GABBR2: variants seen among roughly 807,000 people sequenced by gnomAD.
GABBR2 encodes the protein gamma-aminobutyric acid type B receptor subunit 2.
Under a neutral mutation model 105.6 loss-of-function variants are expected in GABBR2, and 23 were observed. The observed-to-expected ratio is 0.22, with a 90% confidence interval of 0.16 to 0.31. The LOEUF (loss-of-function observed/expected upper bound fraction) is 0.31. Among genes scored for constraint, GABBR2 ranks in the 10% least tolerant of loss-of-function variants. The probability of loss-of-function intolerance (pLI) is 1.00; values close to 1 mark genes in which losing one functional copy is unlikely to be tolerated. For synonymous variants in GABBR2, 478 were observed against 499.7 expected (o/e 0.96, Z 0.58); for missense variants, 734 against 1,245.5 (o/e 0.59, Z 6.18).
intron 6 of GABBR2, among the ~76,000 whole-genome samples, chr9:98,467,263 G>T (rs753797053): frequency 2.6e-5 from 4 of 152,160 alleles, no homozygotes; most frequent in Admixed American, 6.5e-5. Flanking sequence ...ATGGATGTTG[G>T]TATAGATGAC....
intron 2 of GABBR2, among the ~76,000 whole-genome samples, chr9:98,553,023 G>A (rs920102358): frequency 6.6e-6 from 1 of 152,004 alleles, no homozygotes; most frequent in South Asian, 2.1e-4. Flanking sequence ...TTATACCCAC[G>A]TGCCACCATG....
intron 3 of GABBR2, among the ~76,000 whole-genome samples, chr9:98,496,766 G>A (rs1827289615): frequency 6.6e-6 from 1 of 152,196 alleles, no homozygotes; most frequent in African/African-American, 2.4e-5. Context: ...ATTGCCCAGG[G>A]AGTTCCTGCA....
At chr9:98,338,783 T>C (rs566979085) in intron 13 of GABBR2, among the ~76,000 whole-genome samples, 1 of 152,226 alleles carries the variant, frequency 6.6e-6, no homozygotes, top group Non-Finnish European at 1.5e-5. Context: ...CTCCCAGGTA[T>C]ATATCCAAGA....
intron 15 of GABBR2, among the ~76,000 whole-genome samples, chr9:98,303,851 A>C (rs1830508850): frequency 6.6e-6 from 1 of 152,282 alleles, no homozygotes; most frequent in Admixed American, 6.5e-5. Flanking sequence ...TTCTGGAAGC[A>C]GGCTAGTAAC....
intron 11 of GABBR2, among the ~76,000 whole-genome samples, chr9:98,379,813 T>C (rs1355903163): frequency 6.6e-6 from 1 of 152,206 alleles, no homozygotes; most frequent in Non-Finnish European, 1.5e-5. Context: ...GGTTCAGAGA[T>C]GTTAAATAGG....
intron 2 of GABBR2, among the ~76,000 whole-genome samples, chr9:98,549,837 T>C (rs896781975): frequency 6.6e-6 from 1 of 152,084 alleles, no homozygotes; most frequent in Non-Finnish European, 1.5e-5. Flanking sequence ...GTGACCTGAG[T>C]GCTTCTGATA....
chr9:98,568,158 G>A (rs1414855242), intron 2 of GABBR2, among the ~76,000 whole-genome samples: 1 of 152,100 alleles, frequency 6.6e-6, no homozygotes, highest in Non-Finnish European at 1.5e-5. Context: ...GATCATGAAG[G>A]GCAGTGATAC....
At chr9:98,540,071 C>T (rs1372303638) in intron 3 of GABBR2, among the ~76,000 whole-genome samples, 4 of 152,196 alleles carry the variant, frequency 2.6e-5, no homozygotes, top group African/African-American at 9.7e-5. Context: ...TCTCGCTTCT[C>T]TATGAAGGCG....
chr9:98,409,393 T>C (rs1832545620), intron 7 of GABBR2, among the ~76,000 whole-genome samples: 1 of 152,058 alleles, frequency 6.6e-6, no homozygotes, highest in South Asian at 2.1e-4. Context: ...GTAATCCAGG[T>C]GTGAGAAGAT....
intron 1 of GABBR2, among the ~76,000 whole-genome samples, chr9:98,631,906 T>C (rs574766186): frequency 2.6e-5 from 4 of 152,362 alleles, no homozygotes; most frequent in Admixed American, 2.6e-4. Context: ...GATTGAAATT[T>C]TACAGCTAAT....
intron 1 of GABBR2, among the ~76,000 whole-genome samples, chr9:98,706,109 CAAAA>C (rs3983388): frequency 0.017 from 2,334 of 136,940 alleles, 35 homozygotes; most frequent in East Asian, 0.082. Context: ...ACAAAAAAAA[CAAAA>C]AAAAAAAAAA....
chr9:98,640,382 G>T (rs1321454914), intron 1 of GABBR2, among the ~76,000 whole-genome samples: 4 of 152,068 alleles, frequency 2.6e-5, no homozygotes, highest in Admixed American at 1.3e-4. Flanking sequence ...GCTGCTAACT[G>T]CCAAAGACAC....
At chr9:98,565,706 C>T (rs913475765) in intron 2 of GABBR2, among the ~76,000 whole-genome samples, 1 of 152,092 alleles carries the variant, frequency 6.6e-6, no homozygotes, top group African/African-American at 2.4e-5. Flanking sequence ...AGTATAATGC[C>T]ACTGCCAAGC....
In GABBR2 at chr9:98,288,260, A is replaced by T. The variant is rs986023607; in HGVS notation, c.*2324T>A. The T allele has an allele frequency of 6.6e-6, 1 of 152,668 alleles. No individual in the cohort carries two copies. Among genetic ancestry groups the T allele is most frequent in the Non-Finnish European group, 1.5e-5 (1 of 68,050 alleles). 9.5% of individuals were successfully genotyped at this position (152,668 alleles called of 1,614,324 possible). ...TCATTGGAAAATGCCTTCAGGCCGA[A>T]GCCTCTTCAGAAATGGACGGTGTGT... On this transcript the variant is annotated 3_prime_UTR_variant, in exon 19 of 19. Transcript: ENST00000259455.
chr9:98,544,791 A>G (rs1212465312), intron 2 of GABBR2, among the ~76,000 whole-genome samples: 4 of 152,216 alleles, frequency 2.6e-5, no homozygotes, highest in Non-Finnish European at 5.9e-5. Flanking sequence ...AGTGGCTTCC[A>G]TCATATTCAC....
At chr9:98,327,659 A>G (rs1830946665) in intron 13 of GABBR2, among the ~76,000 whole-genome samples, 1 of 152,050 alleles carries the variant, frequency 6.6e-6, no homozygotes, top group Non-Finnish European at 1.5e-5. Flanking sequence ...ACTTGAGGTC[A>G]GGAGTTTGAG....
intron 3 of GABBR2, among the ~76,000 whole-genome samples, chr9:98,521,931 T>C (rs1827876477): frequency 6.6e-6 from 1 of 152,138 alleles, no homozygotes; most frequent in African/African-American, 2.4e-5. Context: ...TAAAAAGAAT[T>C]GCTGTAGGAA....
At chr9:98,684,202 G>T (rs1345366691) in intron 1 of GABBR2, among the ~76,000 whole-genome samples, 1 of 44,190 alleles carries the variant, frequency 2.3e-5, no homozygotes, top group Non-Finnish European at 5.1e-5. Context: ...AAAATTGGTT[G>T]TGGGGGGTGG....
intron 7 of GABBR2, among the ~76,000 whole-genome samples, chr9:98,436,372 T>TACC (rs1564068257): frequency 1.0e-4 from 3 of 29,880 alleles, no homozygotes; most frequent in African/African-American, 3.6e-4. Context: ...TATATATATA[T>TACC]ATATATATAT....
Sources: gnomAD v4.1 joint callset for allele counts (sites outside exome capture counted in the v4.1 genomes callset) on GRCh38, gnomAD v4.1.1 for gene constraint, MANE v1.5 for transcripts, NCBI Gene and HGNC (gene_info 2026-07-23, HGNC 2026-07-21) for gene names.